The following EML6 variants were observed in gnomAD, a reference collection of about 807,000 sequenced individuals.
EML6 encodes the protein echinoderm microtubule-associated protein-like 6.
A neutral mutation model predicts 240.1 loss-of-function variants in EML6; 154 were observed. The ratio of observed to expected loss-of-function variants is 0.64; its 90% CI spans 0.56 to 0.73. The LOEUF is 0.73. Ranked by LOEUF, EML6 falls within the 30% of genes least tolerant of loss-of-function variation. The probability of loss-of-function intolerance (pLI) is 0.00; values close to 1 mark genes in which losing one functional copy is unlikely to be tolerated. For synonymous variants in EML6, 1,148 were observed against 899.0 expected (o/e 1.28, Z -4.95); for missense variants, 2,964 against 2,474.6 (o/e 1.20, Z -4.20).
intron 20 of EML6, 42 bp downstream of exon 20, chr2:54,895,068 G>A: frequency 6.9e-7 from 1 of 1,450,292 alleles, no homozygotes; most frequent in Non-Finnish European, 9.5e-7. Flanking sequence ...TGTATTCATA[G>A]GGATGGAGAA....
At chr2:54,820,729 C>T (rs1668294695) in intron 5 of EML6, among the ~76,000 whole-genome samples, 1 of 152,104 alleles carries the variant, frequency 6.6e-6, no homozygotes, top group African/African-American at 2.4e-5. Context: ...GAACTGAAGA[C>T]TCATAATACT....
intron 25 of EML6, among the ~76,000 whole-genome samples, chr2:54,915,245 C>G (rs1015291731): frequency 6.6e-6 from 1 of 152,210 alleles, no homozygotes; most frequent in Non-Finnish European, 1.5e-5. Flanking sequence ...ATCTGGCCAA[C>G]AGTGTTGTGT....
chr2:54,826,999 C>G (rs568368866), intron 5 of EML6, among the ~76,000 whole-genome samples: 29 of 152,196 alleles, frequency 1.9e-4, no homozygotes, highest in African/African-American at 5.3e-4. Context: ...ATGGAGAAAC[C>G]CTGTCTCTAC....
intron 2 of EML6, among the ~76,000 whole-genome samples, chr2:54,805,517 G>A (rs1412685466): frequency 1.3e-5 from 2 of 152,008 alleles, no homozygotes; most frequent in Non-Finnish European, 2.9e-5. Flanking sequence ...AAGTCTTCCA[G>A]CATATTTTAA....
intron 2 of EML6, among the ~76,000 whole-genome samples, chr2:54,784,599 C>G (rs1668996244): frequency 6.6e-6 from 1 of 152,184 alleles, no homozygotes; most frequent in South Asian, 2.1e-4. Flanking sequence ...CAAAACTTAA[C>G]TACTAATAGC....
At chr2:54,969,709 C>G (rs931822011) in intron 41 of EML6, among the ~76,000 whole-genome samples, 7 of 152,194 alleles carry the variant, frequency 4.6e-5, no homozygotes, top group Admixed American at 3.9e-4. Context: ...ATGCTGTGAT[C>G]CCTGGTTCTG....
chr2:54,792,397 A>G (rs899239721), intron 2 of EML6, among the ~76,000 whole-genome samples: 6 of 152,226 alleles, frequency 3.9e-5, no homozygotes, highest in African/African-American at 1.4e-4. Context: ...TAGCTAAGCT[A>G]ACTTTTGATT....
chr2:54,820,877 C>G (rs913969829), intron 5 of EML6, among the ~76,000 whole-genome samples: 2 of 152,126 alleles, frequency 1.3e-5, no homozygotes, highest in Non-Finnish European at 2.9e-5. Context: ...TCAAGTTGTG[C>G]TCTACATGGA....
intron 4 of EML6, among the ~76,000 whole-genome samples, chr2:54,818,257 T>C (rs1668166791): frequency 6.6e-6 from 1 of 152,194 alleles, no homozygotes; most frequent in African/African-American, 2.4e-5. Flanking sequence ...GAAAGAGCTT[T>C]TATTGTTAAA....
At chr2:54,788,175 A>G (rs1013094990) in intron 2 of EML6, among the ~76,000 whole-genome samples, 1 of 152,078 alleles carries the variant, frequency 6.6e-6, no homozygotes, top group African/African-American at 2.4e-5. Context: ...GTTCTCGCTC[A>G]CTCGCTCGCT....
intron 26 of EML6, 124 bp from the exon 27 acceptor site, chr2:54,928,189 G>A: frequency 1.3e-6 from 1 of 783,734 alleles, no homozygotes; most frequent in Admixed American, 2.1e-5. Context: ...TTACATTCTA[G>A]TTGAAATGTA....
intron 2 of EML6, among the ~76,000 whole-genome samples, chr2:54,744,493 G>A (rs1510613): frequency 0.56 from 84,975 of 151,894 alleles, 24,347 homozygotes; most frequent in African/African-American, 0.68. Flanking sequence ...TTAGACATAC[G>A]GACTTATAAA....
intron 28 of EML6, among the ~76,000 whole-genome samples, chr2:54,944,416 C>T (rs561772866): frequency 1.2e-4 from 18 of 152,286 alleles, no homozygotes; most frequent in South Asian, 1.0e-3. Context: ...AAGTCTATTT[C>T]GCCAACCTTT....
intron 2 of EML6, among the ~76,000 whole-genome samples, chr2:54,728,978 C>T (rs976144335): frequency 3.3e-5 from 5 of 152,218 alleles, no homozygotes; most frequent in Admixed American, 6.5e-5. Context: ...CGCACCCCTC[C>T]AATGGCATAG....
chr2:54,756,205 G>A lies in EML6; in HGVS notation c.197+30947G>A, dbSNP rs571458673. 2.6e-5 allele frequency among the ~76,000 whole-genome samples: 4 copies of A among 152,230 alleles called. 1 individual carries two copies. In the South Asian group the frequency reaches 8.3e-4, roughly 32 times the overall value. ...AAGGAGGCAGAGTGGGTGAAATTTA[G>A]GGCTTACTTTAATGTTCAGGGCATT... On this transcript the variant is annotated intron_variant, in intron 2 of 41. Coordinates refer to ENST00000356458, the MANE Select transcript of EML6 (RefSeq NM_001039753.4).
In EML6 at chr2:54,971,340, A is replaced by C. The variant is rs905893953; in HGVS notation, c.*1245A>C. The C allele has an allele frequency of 2.6e-5, 4 of 152,206 alleles. No individual in the cohort carries two copies. The highest frequency in any genetic ancestry group is 9.7e-5 in the African/African-American group (4 of 41,448). 9.4% of individuals were successfully genotyped at this position (152,206 alleles called of 1,614,324 possible). A position where few individuals can be genotyped will look rare whatever the true frequency, so the allele number is the denominator to read the frequency against. ...ACACTTTCCATGTAGCTGACCAGTGACTACAGGATGTGGCTGACAGTGCTC... is the reference window on the plus strand; with the variant it reads ...ACACTTTCCATGTAGCTGACCAGTGCCTACAGGATGTGGCTGACAGTGCTC... On this transcript the variant is annotated 3_prime_UTR_variant, in exon 42 of 42. Transcript: ENST00000356458.
intron 14 of EML6, 50 bp from the exon 15 acceptor site, chr2:54,869,127 CCATG>C: frequency 2.4e-6 from 3 of 1,241,150 alleles, no homozygotes; most frequent in Non-Finnish European, 3.4e-6. Flanking sequence ...ACCTCCTGCT[CCATG>C]CATTTGCTGT....
intron 21 of EML6, among the ~76,000 whole-genome samples, chr2:54,895,840 C>A (rs1317787319): frequency 6.6e-6 from 1 of 152,154 alleles, no homozygotes; most frequent in Non-Finnish European, 1.5e-5. Context: ...GCCCACAGTT[C>A]CTTGCCACAT....
chr2:54,829,429 A>T lies in EML6; in HGVS notation c.799A>T (p.Lys267Ter), dbSNP rs1347238693. Residue 267 changes from lysine (K) to a stop codon, truncating the protein, a stop_gained, in exon 7 of 42, where the codon AAA becomes TAA. Transcript: ENST00000356458. LOFTEE classifies it high-confidence loss of function. ...GCIRLWDTDF[K>*]PITKIDLRET... ...TATACGACTGTGGGACACTGATTTC[A>T]AACCAATAACCAAAATTGATCTCAG... The T allele has an allele frequency of 6.4e-7, 1 of 1,551,870 alleles. No individual in the cohort carries two copies. Among genetic ancestry groups the T allele is most frequent in the Non-Finnish European group, 8.7e-7 (1 of 1,146,892 alleles).
Sources: gnomAD v4.1 joint callset for allele counts (sites outside exome capture counted in the v4.1 genomes callset) on GRCh38, gnomAD v4.1.1 for gene constraint, MANE v1.5 for transcripts, NCBI Gene and HGNC (gene_info 2026-07-23, HGNC 2026-07-21) for gene names.